Variants in E4F1 observed in about 807,000 individuals in gnomAD.
The protein encoded by E4F1 is transcription factor E4F1.
Under a neutral mutation model 72.9 loss-of-function variants are expected in E4F1, and 30 were observed. That is an observed-to-expected ratio of 0.41 (90% CI 0.31 to 0.56). E4F1 has a LOEUF of 0.56. Among genes scored for constraint, E4F1 ranks in the 20% least tolerant of loss-of-function variants. The pLI, the probability that E4F1 is intolerant of heterozygous loss-of-function variation, is 0.25. For synonymous variants in E4F1, 542 were observed against 478.2 expected, an observed-to-expected ratio of 1.13 and a Z score of -1.74; for missense variants, 1,091 against 1,117.5, an observed-to-expected ratio of 0.98 and a Z score of 0.34.
chr16:2,226,020 G>A (rs1596753145), intron 1 of E4F1, among the ~76,000 whole-genome samples: 1 of 152,022 alleles, frequency 6.6e-6, no homozygotes, highest in East Asian at 1.9e-4. Context: ...ATGAGCCCAG[G>A]AGGCAGAGCT....
chr16:2,235,695 G>A lies in E4F1; in HGVS notation c.*123G>A. 1.3e-6 allele frequency: 1 copy of A among 760,890 alleles called. No homozygotes were observed. The highest frequency in any genetic ancestry group is 2.0e-5 in the South Asian group (1 of 51,182). 47.1% of individuals were successfully genotyped at this position (760,890 alleles called of 1,614,324 possible). On this transcript the variant is annotated 3_prime_UTR_variant, in exon 14 of 14. Coordinates refer to ENST00000301727, the MANE Select transcript of E4F1 (RefSeq NM_004424.5). Reference sequence around the variant, plus strand: ...ATGGAGGCGCCCCAAGACGGACAGTGTACATAAGAGTTTCTTGTTGCTTTA... The same window carrying A: ...ATGGAGGCGCCCCAAGACGGACAGTATACATAAGAGTTTCTTGTTGCTTTA...
chr16:2,226,964 C>G (rs150565666), intron 1 of E4F1, among the ~76,000 whole-genome samples: 1 of 152,242 alleles, frequency 6.6e-6, no homozygotes, highest in Admixed American at 6.5e-5. Flanking sequence ...TGGGCCCCAG[C>G]CCATTTTACA....
intron 1 of E4F1, among the ~76,000 whole-genome samples, chr16:2,225,825 A>T (rs533310718): frequency 0.012 from 1,872 of 150,358 alleles, 12 homozygotes; most frequent in Non-Finnish European, 0.021. Context: ...GCTGGGCGCA[A>T]TGGCTCGCGC....
intron 1 of E4F1, 31 bp downstream of exon 1, chr16:2,223,801 G>C: frequency 6.5e-7 from 1 of 1,535,850 alleles, no homozygotes; most frequent in Non-Finnish European, 8.7e-7. Context: ...GGTGCGGCCG[G>C]GGTGCGGGCA....
In E4F1 at chr16:2,229,664, C is replaced by G. The variant is rs772830810; in HGVS notation, c.404C>G (p.Ser135Cys). The change falls in exon 3 of 14, where the codon TCT becomes TGT. Residue 135 changes from serine to cysteine, a missense_variant. Transcript: ENST00000301727. ...ASLAADISHA[S>C]DLVGGGHIKE... ...CTGGCAGCAGACATCAGCCACGCAT[C>G]TGACCTTGTTGGTAAGCCGACTTCC... 9 of 1,613,020 alleles carry G rather than the reference C, an allele frequency of 5.6e-6. No homozygotes were observed. The highest frequency in any genetic ancestry group is 1.1e-5 in the South Asian group (1 of 91,084).
At position 2,230,001 on chromosome 16, in the gene E4F1, C is replaced by T. The variant is rs191872870; in HGVS notation, c.415+326C>T. Reference sequence around the variant, plus strand: ...CCCACTTCCCTGCCACCCCCTGGTTCCTGCTCCCTGCCCGTAGGCAGCAAC... The same window carrying T: ...CCCACTTCCCTGCCACCCCCTGGTTTCTGCTCCCTGCCCGTAGGCAGCAAC... On this transcript the variant is annotated intron_variant, in intron 3 of 13. Coordinates refer to ENST00000301727, the MANE Select transcript of E4F1 (RefSeq NM_004424.5). The T allele has an allele frequency of 9.6e-5, 31 of 323,500 alleles. No individual in the cohort carries two copies. In the Admixed American group the frequency reaches 1.0e-3, roughly 11 times the overall value. 20.0% of individuals were successfully genotyped at this position (323,500 alleles called of 1,614,324 possible).
At chr16:2,228,146 C>A (rs1226682157) in intron 1 of E4F1, 3 of 602,586 alleles carry the variant, frequency 5.0e-6, no homozygotes, top group Non-Finnish European at 9.0e-6. Context: ...TGGGTGCTGA[C>A]CTCCTGAGGG....
chr16:2,233,785 C>T, intron 8 of E4F1, 97 bp from the exon 9 acceptor site: 2 of 1,423,200 alleles, frequency 1.4e-6, no homozygotes, highest in Non-Finnish European at 1.9e-6. Context: ...CCTGGGGCCA[C>T]AAGGGAGCCT....
At position 2,233,159 on chromosome 16, in the gene E4F1, G is replaced by A. The variant is rs771770063; in HGVS notation, c.1032G>A (p.Leu344=). The A allele has an allele frequency of 1.9e-6, 3 of 1,608,270 alleles. No homozygotes were observed. In the African/African-American group the frequency reaches 4.0e-5, roughly 21 times the overall value. ...ACGTCCAGATGCAGGAGCTGTCCCT[G>A]GGCATGAAAGCCCTGGCCCCAGAGG... ...EVHVQMQELS[L]GMKALAPEPP... The change falls in exon 7 of 14, where the codon CTG becomes CTA. Residue 344 remains leucine (L), a synonymous_variant. Transcript: ENST00000301727.
intron 5 of E4F1, 29 bp downstream of exon 5, chr16:2,232,605 C>T (rs1168493554): frequency 1.1e-5 from 17 of 1,609,870 alleles, no homozygotes; most frequent in Non-Finnish European, 1.4e-5. Flanking sequence ...GGGCTGGAGC[C>T]CGGTAGCACC....
rs142410368 is a variant in E4F1, at chr16:2,235,267, G to A, written c.2050G>A (p.Ala684Thr). ...VVQQIVHQAS[A>T]GHQIIVQNVT... Reference sequence around the variant, plus strand: ...GCAGCAGATCGTGCACCAGGCTAGCGCCGGCCACCAGATCATCGTGCAGAA... The same window carrying A: ...GCAGCAGATCGTGCACCAGGCTAGCACCGGCCACCAGATCATCGTGCAGAA... Residue 684 changes from alanine (A) to threonine (T), a missense_variant, in exon 14 of 14, where the codon GCC becomes ACC. Coordinates refer to ENST00000301727, the MANE Select transcript of E4F1 (RefSeq NM_004424.5). The A allele has an allele frequency of 3.5e-5, 56 of 1,611,066 alleles. 1 individual carries two copies. In the African/African-American group the frequency reaches 6.0e-4, roughly 17 times the overall value.
chr16:2,233,905 G>C lies in E4F1; in HGVS notation c.1290G>C (p.Ala430=), dbSNP rs770147687. The change falls in exon 9 of 14, where the codon GCG becomes GCC. Residue 430 remains alanine, a synonymous_variant. Coordinates refer to ENST00000301727, the MANE Select transcript of E4F1 (RefSeq NM_004424.5). ...AGCAGGTGGCCAGCGAGGCCTCAGCGGTGCCCAGGACCCACCCATGTCCTC... is the reference window on the plus strand; with the variant it reads ...AGCAGGTGGCCAGCGAGGCCTCAGCCGTGCCCAGGACCCACCCATGTCCTC... ...LETQVASEAS[A]VPRTHPCPQC... The C allele has an allele frequency of 3.1e-6, 5 of 1,600,412 alleles. No homozygotes were observed. In the East Asian group the frequency reaches 1.1e-4, roughly 36 times the overall value.
intron 1 of E4F1, among the ~76,000 whole-genome samples, chr16:2,225,832 G>A (rs957754809): frequency 4.0e-5 from 6 of 149,104 alleles, no homozygotes; most frequent in African/African-American, 9.8e-5. Flanking sequence ...GCAATGGCTC[G>A]CGCCTGTAAT....
chr16:2,230,407 TG>T, intron 3 of E4F1: 1 of 139,070 alleles, frequency 7.2e-6, no homozygotes, highest in Non-Finnish European at 1.5e-5. Context: ...CTGCTGGGGT[TG>T]GGGGTGCGGC....
At chr16:2,233,840 C>A in intron 8 of E4F1, 42 bp from the exon 9 acceptor site, 1 of 1,515,926 alleles carries the variant, frequency 6.6e-7, no homozygotes, top group South Asian at 1.2e-5. Flanking sequence ...TGCCAGGGCA[C>A]AGCCTGCCCC....
Position 2,223,764 on chromosome 16 carries a change from G to A in E4F1, c.151G>A (p.Glu51Lys), listed in dbSNP as rs2093413204. The change falls in exon 1 of 14, where the codon GAG becomes AAG. Residue 51 changes from glutamate to lysine, a missense_variant. Physicochemically the swap from Glu to Lys is moderately conservative, Grantham distance 56. Coordinates refer to ENST00000301727, the MANE Select transcript of E4F1 (RefSeq NM_004424.5). ...GFLGLPAPFS[E>K]EDEDDVHRCG... ...CCTCGGCCTCCCGGCGCCCTTCAGC[G>A]AGGAAGGTAACCGGGCCGACCCGGA... is the stretch of plus-strand genomic sequence containing the variant. 6 of 1,535,830 alleles carry A rather than the reference G, an allele frequency of 3.9e-6. No homozygotes were observed. Among genetic ancestry groups the A allele is most frequent in the Middle Eastern group, 1.7e-4 (1 of 5,742 alleles).
intron 1 of E4F1, chr16:2,223,992 C>G (rs568522901): frequency 5.2e-5 from 77 of 1,471,434 alleles, no homozygotes; most frequent in Non-Finnish European, 6.5e-5. Context: ...CTCTGGTGTG[C>G]GTCCACAAGT....
Position 2,235,548 on chromosome 16 carries a change from G to A in E4F1, c.2331G>A (p.Leu777=), listed in dbSNP as rs1205412746. 6.2e-7 allele frequency: 1 copy of A among 1,601,050 alleles called. No homozygotes were observed. The highest frequency in any genetic ancestry group is 1.1e-5 in the South Asian group (1 of 90,156). ...ELVIASPEGQ[L]EVQTVIV ...TCATCGCCTCGCCGGAGGGCCAGCTGGAGGTGCAGACGGTCATCGTCTAGC... is the reference window on the plus strand; with the variant it reads ...TCATCGCCTCGCCGGAGGGCCAGCTAGAGGTGCAGACGGTCATCGTCTAGC... The change falls in exon 14 of 14, where the codon CTG becomes CTA. Residue 777 remains leucine (L), a synonymous_variant. Transcript: ENST00000301727.
At chr16:2,233,415 T>TC (rs2093480982) in intron 7 of E4F1, 23 bp from the exon 8 acceptor site, 1 of 1,504,210 alleles carries the variant, frequency 6.6e-7, no homozygotes, top group African/African-American at 1.4e-5. Flanking sequence ...CTGGCCAGCC[T>TC]CCTCTCTCTG....
Sources: allele counts gnomAD v4.1 joint callset (sites outside exome capture counted in the v4.1 genomes callset), GRCh38; gene constraint gnomAD v4.1.1; transcripts MANE v1.5; gene names NCBI Gene and HGNC (gene_info 2026-07-23, HGNC 2026-07-21).